FEZ1: variants seen among roughly 807,000 people sequenced by gnomAD.
FEZ1 encodes fasciculation and elongation protein zeta-1.
In FEZ1, 20 loss-of-function variants were observed where a neutral mutation model predicts 49.3. The ratio of observed to expected loss-of-function variants is 0.41; its 90% CI spans 0.29 to 0.59. FEZ1 has a LOEUF of 0.59. Ranked by LOEUF, FEZ1 falls within the 20% of genes least tolerant of loss-of-function variation. The pLI is 0.36. For synonymous variants in FEZ1, 170 were observed against 180.9 expected (o/e 0.94, Z 0.48); for missense variants, 413 against 476.0 (o/e 0.87, Z 1.23).
At chr11:125,449,441 A>AAAAAAAAAAAAAAAAGAAG (rs796507357) in intron 8 of FEZ1, among the ~76,000 whole-genome samples, 4 of 128,270 alleles carry the variant, frequency 3.1e-5, no homozygotes, top group African/African-American at 1.1e-4. Flanking sequence ...AAAAAAAAAA[A>AAAAAAAAAAAAAAAAGAAG]AAGAAGAAGA....
chr11:125,446,098 G>A lies in FEZ1; in HGVS notation c.1176C>T (p.Thr392=), dbSNP rs1048141533. ...GAGGCTGCTCCAAAGGGCAAGGTTA[G>A]GTAGGGCAGAGCACTGCAACGAGAA... ...TDYILKVLCP[T] Residue 392 remains threonine (T), a synonymous_variant, in exon 10 of 10, where the codon ACC becomes ACT. Coordinates refer to ENST00000278919, the MANE Select transcript of FEZ1 (RefSeq NM_005103.5). 1.2e-6 allele frequency: 2 copies of A among 1,614,022 alleles called. No individual in the cohort carries two copies. The highest frequency in any genetic ancestry group is 1.7e-6 in the Non-Finnish European group (2 of 1,179,912).
At chr11:125,478,019 T>C (rs529232531) in intron 3 of FEZ1, among the ~76,000 whole-genome samples, 11 of 152,246 alleles carry the variant, frequency 7.2e-5, no homozygotes, top group Non-Finnish European at 1.6e-4. Context: ...TGTAGACGTG[T>C]TACTTTGATT....
chr11:125,493,366 G>GAAAGA (rs1957404691), intron 1 of FEZ1, among the ~76,000 whole-genome samples: 1 of 21,792 alleles, frequency 4.6e-5, no homozygotes, highest in Non-Finnish European at 9.1e-5. Context: ...AGAGAGAAAA[G>GAAAGA]AAAGAAAGAA....
chr11:125,463,195 A>G (rs1041075194), intron 4 of FEZ1: 8 of 202,096 alleles, frequency 4.0e-5, no homozygotes, highest in Admixed American at 3.0e-4. Flanking sequence ...AGTCCCAGCT[A>G]CTCGGGAGGC....
chr11:125,495,827 CA>C lies in FEZ1; in HGVS notation c.-46+293del. On this transcript the variant is annotated intron_variant, in intron 1 of 9. Transcript: ENST00000278919. This position sits in a 1 kb window ranked among gnomAD's most constrained non-coding sequence, Gnocchi z 4.2. The stretch of plus-strand genomic sequence containing the variant: ...ACACACACACACACACACACACACA[CA>C]CACACACCAGGCCTGGCTGGAGGGC... 3.1e-6 allele frequency: 1 copy of C among 325,124 alleles called. No individual in the cohort carries two copies. Among genetic ancestry groups the C allele is most frequent in the East Asian group, 8.7e-5 (1 of 11,466 alleles). 20.1% of individuals were successfully genotyped at this position (325,124 alleles called of 1,614,324 possible). A position where few individuals can be genotyped will look rare whatever the true frequency, so the allele number is the denominator to read the frequency against.
intron 2 of FEZ1, among the ~76,000 whole-genome samples, chr11:125,481,943 G>A (rs1305586171): frequency 6.6e-6 from 1 of 152,054 alleles, no homozygotes; most frequent in Non-Finnish European, 1.5e-5. Context: ...AAATAAATCT[G>A]CCCCTCATCC....
chr11:125,461,861 C>A (rs1957078361), intron 4 of FEZ1, among the ~76,000 whole-genome samples: 1 of 152,174 alleles, frequency 6.6e-6, no homozygotes. Flanking sequence ...ATTCCCAAAC[C>A]TTTTCACCTC....
intron 3 of FEZ1, among the ~76,000 whole-genome samples, chr11:125,471,578 A>G (rs1957183468): frequency 2.0e-5 from 3 of 152,114 alleles, no homozygotes; most frequent in Non-Finnish European, 4.4e-5. Flanking sequence ...AAAAGGGTCA[A>G]CTCATCAGGG....
At chr11:125,458,009 G>T (rs991452321) in intron 5 of FEZ1, among the ~76,000 whole-genome samples, 3 of 152,108 alleles carry the variant, frequency 2.0e-5, no homozygotes, top group Non-Finnish European at 4.4e-5. Context: ...TGCTGAACGC[G>T]TCTATCTTTG....
At chr11:125,446,190 C>G in intron 9 of FEZ1, 79 bp from the exon 10 acceptor site, 2 of 1,388,092 alleles carry the variant, frequency 1.4e-6, no homozygotes, top group South Asian at 2.3e-5. Context: ...ATAGCCCTAG[C>G]TGAGAGCAGT....
At chr11:125,485,247 C>A (rs1957316582) in intron 2 of FEZ1, among the ~76,000 whole-genome samples, 1 of 152,094 alleles carries the variant, frequency 6.6e-6, no homozygotes, top group African/African-American at 2.4e-5. Context: ...TATTTTATAG[C>A]TTGGGCTTAG....
intron 2 of FEZ1, among the ~76,000 whole-genome samples, chr11:125,488,405 GT>G (rs1355322258): frequency 1.3e-5 from 2 of 152,218 alleles, no homozygotes; most frequent in Non-Finnish European, 2.9e-5. Context: ...CATGGGCCAG[GT>G]GTGGTGACTC....
intron 8 of FEZ1, among the ~76,000 whole-genome samples, chr11:125,449,545 GCTAATGTTCATAGAAAAAAAAT>G (rs1456818630): frequency 2.0e-5 from 3 of 150,898 alleles, no homozygotes; most frequent in Non-Finnish European, 4.4e-5. Context: ...ATAATTAAAT[GCTAATGTTCATAGAAAAAAAAT>G]CTAGAACAAT....
intron 3 of FEZ1, among the ~76,000 whole-genome samples, chr11:125,479,179 A>C (rs1011809571): frequency 1.3e-5 from 2 of 152,208 alleles, no homozygotes; most frequent in African/African-American, 4.8e-5. Context: ...TGAGGTTTTG[A>C]GTACCTTAGA....
At chr11:125,485,233 T>C (rs1957316321) in intron 2 of FEZ1, among the ~76,000 whole-genome samples, 2 of 152,158 alleles carry the variant, frequency 1.3e-5, no homozygotes. Flanking sequence ...CTTTTTCAGG[T>C]GCATATTTTA....
chr11:125,494,384 G>A (rs1447849640), intron 1 of FEZ1, among the ~76,000 whole-genome samples: 1 of 152,160 alleles, frequency 6.6e-6, no homozygotes, highest in Non-Finnish European at 1.5e-5. Flanking sequence ...TTCACGGAGT[G>A]CTTTCATCCT....
At chr11:125,456,199 T>C (rs981234213) in intron 5 of FEZ1, 93 bp from the exon 6 acceptor site, 163 of 1,234,312 alleles carry the variant, frequency 1.3e-4, no homozygotes, top group Non-Finnish European at 1.7e-4. Context: ...AAGATGGGAC[T>C]GCCCCTCAGA....
intron 8 of FEZ1, among the ~76,000 whole-genome samples, chr11:125,449,441 A>AAAAAAAAAG (rs796507357): frequency 5.7e-4 from 73 of 128,170 alleles, no homozygotes; most frequent in East Asian, 1.1e-3. Flanking sequence ...AAAAAAAAAA[A>AAAAAAAAAG]AAGAAGAAGA....
chr11:125,487,880 C>T (rs559668), intron 2 of FEZ1, among the ~76,000 whole-genome samples: 31,212 of 152,114 alleles, frequency 0.21, 3,471 homozygotes, highest in African/African-American at 0.28. Context: ...TAGAGTCTTA[C>T]AGTAGTCATC....
Sources: gnomAD v4.1 joint callset for allele counts (sites outside exome capture counted in the v4.1 genomes callset) on GRCh38, gnomAD v4.1.1 for gene constraint, Gnocchi (gnomAD v3.1) non-coding constraint, MANE v1.5 for transcripts, NCBI Gene and HGNC (gene_info 2026-07-23, HGNC 2026-07-21) for gene names.